Variants in SCRN3 observed in about 807,000 individuals in gnomAD.
SCRN3 encodes secernin 3.
A neutral mutation model predicts 43.1 loss-of-function variants in SCRN3; 39 were observed. That is an observed-to-expected ratio of 0.91 (90% confidence interval 0.70 to 1.18). The LOEUF is 1.18. Ranked by LOEUF, SCRN3 falls within the 50% of genes most tolerant of loss-of-function variation. The probability of loss-of-function intolerance (pLI) is 0.00; values close to 1 mark genes in which losing one functional copy is unlikely to be tolerated. For synonymous variants in SCRN3, 147 were observed against 163.1 expected (o/e 0.90, Z 0.75); for missense variants, 484 against 498.0 (o/e 0.97, Z 0.27).
At chr2:174,396,803 A>C (rs1461372988) in intron 1 of SCRN3, among the ~76,000 whole-genome samples, 4 of 143,770 alleles carry the variant, frequency 2.8e-5, no homozygotes, top group Admixed American at 2.1e-4. Flanking sequence ...CATCAAAAAA[A>C]AAAAACAAAA....
rs547703398 is a variant in SCRN3 at position 174,411,606 on chromosome 2, G to A, written c.754+7291G>A. Among the ~76,000 whole-genome samples, 9 of 152,126 alleles carry A rather than the reference G, an allele frequency of 5.9e-5. No individual in the cohort carries two copies. In the East Asian group the frequency reaches 1.7e-3, roughly 29 times the overall value. On this transcript the variant is annotated intron_variant, in intron 5 of 7. Coordinates refer to ENST00000272732, the MANE Select transcript of SCRN3 (RefSeq NM_024583.5). The stretch of plus-strand genomic sequence containing the variant: ...TTTCAAGTTTTTAAAAAATCGTTAA[G>A]CACGTTTAGCATCTTTATAATAATA...
chr2:174,396,115 G>A, intron 1 of SCRN3: 1 of 1,001,812 alleles, frequency 1.0e-6, no homozygotes, highest in Non-Finnish European at 1.3e-6. Flanking sequence ...GTATGCTTGC[G>A]AGAATCCAAC....
chr2:174,404,233 A>T lies in SCRN3; in HGVS notation c.672A>T (p.Ala224=). Residue 224 remains alanine, a synonymous_variant, in exon 5 of 8, where the codon GCA becomes GCT. Transcript: ENST00000272732. ...DGKKEFDFAA[A]YSYLDTAKMM... is the part of the protein sequence containing the mutation. Reference sequence around the variant, plus strand: ...AAAAGGAGTTTGATTTTGCTGCAGCATATTCCTATCTTGACACAGCCAAGA... The same window carrying T: ...AAAAGGAGTTTGATTTTGCTGCAGCTTATTCCTATCTTGACACAGCCAAGA... 6.2e-7 allele frequency: 1 copy of T among 1,613,948 alleles called. No homozygotes were observed. Among genetic ancestry groups the T allele is most frequent in the South Asian group, 1.1e-5 (1 of 91,076 alleles).
chr2:174,405,350 G>C (rs1341327060), intron 5 of SCRN3, among the ~76,000 whole-genome samples: 232 of 109,278 alleles, frequency 2.1e-3, no homozygotes, highest in Non-Finnish European at 3.1e-3. Context: ...GTAGATTCTG[G>C]ATATTAGCCC....
chr2:174,424,377 A>G, intron 6 of SCRN3, 98 bp from the exon 7 acceptor site: 1 of 884,246 alleles, frequency 1.1e-6, no homozygotes. Flanking sequence ...AGCATCATTA[A>G]CAGAAACTTC....
chr2:174,423,268 A>G (rs1686358589), intron 6 of SCRN3, among the ~76,000 whole-genome samples: 2 of 152,134 alleles, frequency 1.3e-5, no homozygotes, highest in Non-Finnish European at 2.9e-5. Context: ...CGTTATCCCT[A>G]CTCCTTCTTC....
In SCRN3 at chr2:174,424,643, T is replaced by C. The variant is rs765013004; in HGVS notation, c.1086T>C (p.Asn362=). The part of the protein sequence containing the change: ...KHQQALEVVN[N]NEEKAKIMLD... ...AACAGGCATTGGAAGTAGTAAATAATAATGAGGTATGCTAGATTATATTCT... is the reference window on the plus strand; with the variant it reads ...AACAGGCATTGGAAGTAGTAAATAACAATGAGGTATGCTAGATTATATTCT... The change falls in exon 7 of 8, where the codon AAT becomes AAC. Residue 362 remains asparagine (N), a synonymous_variant. Coordinates refer to ENST00000272732, the MANE Select transcript of SCRN3 (RefSeq NM_024583.5). The C allele has an allele frequency of 1.9e-6, 3 of 1,607,634 alleles. No individual in the cohort carries two copies. Among genetic ancestry groups the C allele is most frequent in the East Asian group, 4.5e-5 (2 of 44,724 alleles).
chr2:174,396,717 G>T (rs1685326135), intron 1 of SCRN3, among the ~76,000 whole-genome samples: 1 of 151,832 alleles, frequency 6.6e-6, no homozygotes, highest in Admixed American at 6.6e-5. Flanking sequence ...AGAATCACTT[G>T]AACGCGGGAG....
chr2:174,406,028 A>G (rs1362803380), intron 5 of SCRN3, among the ~76,000 whole-genome samples: 2 of 138,218 alleles, frequency 1.4e-5, no homozygotes, highest in East Asian at 4.3e-4. Flanking sequence ...GATGGCATTG[A>G]ATCTGTAAAT....
chr2:174,415,926 C>T (rs140015543), intron 5 of SCRN3, among the ~76,000 whole-genome samples: 28 of 152,188 alleles, frequency 1.8e-4, no homozygotes, highest in African/African-American at 6.7e-4. Flanking sequence ...ATTACAGGTG[C>T]GAGCCATTGT....
At chr2:174,420,484 A>G (rs548787340) in intron 5 of SCRN3, among the ~76,000 whole-genome samples, 74 of 152,356 alleles carry the variant, frequency 4.9e-4, no homozygotes, top group Admixed American at 2.0e-3. Context: ...ATGACTGAAA[A>G]CCAAGAGAAA....
At chr2:174,416,807 C>G (rs775076403) in intron 5 of SCRN3, among the ~76,000 whole-genome samples, 1 of 152,172 alleles carries the variant, frequency 6.6e-6, no homozygotes, top group Non-Finnish European at 1.5e-5. Flanking sequence ...GTACATTCCC[C>G]TGTATATATG....
Position 174,428,958 on chromosome 2 carries a change from C to T in SCRN3, c.*1063C>T, listed in dbSNP as rs1040302492. 5 of 152,246 alleles carry T rather than the reference C, an allele frequency of 3.3e-5. No individual in the cohort carries two copies. In the East Asian group the frequency reaches 7.7e-4, roughly 24 times the overall value. The allele number at this position is 152,246 out of a possible 1,614,324, so 9.4% of individuals were successfully genotyped here. On this transcript the variant is annotated 3_prime_UTR_variant, in exon 8 of 8. Coordinates refer to ENST00000272732, the MANE Select transcript of SCRN3 (RefSeq NM_024583.5). ...TGGTTACATTATCATATTTACTAGT[C>T]ACTATCAGCACAATTAGGTTAATAA...
intron 5 of SCRN3, among the ~76,000 whole-genome samples, chr2:174,420,304 A>G (rs1373457923): frequency 6.6e-6 from 1 of 152,194 alleles, no homozygotes; most frequent in Non-Finnish European, 1.5e-5. Context: ...TAGGAAGAGT[A>G]AGAACAAACA....
At chr2:174,410,987 G>T (rs1216321967) in intron 5 of SCRN3, among the ~76,000 whole-genome samples, 2 of 152,096 alleles carry the variant, frequency 1.3e-5, no homozygotes, top group Non-Finnish European at 2.9e-5. Flanking sequence ...TGAGAATGTA[G>T]GTGTACAGGT....
At chr2:174,403,910 A>G (rs1470772804) in intron 4 of SCRN3, among the ~76,000 whole-genome samples, 193 bp from the exon 5 acceptor site, 1 of 152,174 alleles carries the variant, frequency 6.6e-6, no homozygotes, top group Non-Finnish European at 1.5e-5. Context: ...GTGAATCTAT[A>G]ATTATCTTAA....
At chr2:174,427,122 G>A (rs1050582677) in intron 7 of SCRN3, among the ~76,000 whole-genome samples, 10 of 152,102 alleles carry the variant, frequency 6.6e-5, no homozygotes, top group East Asian at 1.9e-4. Context: ...GAGCCACTGC[G>A]CCTGGCCAAG....
chr2:174,404,466 T>A, intron 5 of SCRN3, 151 bp downstream of exon 5: 1 of 512,294 alleles, frequency 2.0e-6, no homozygotes, highest in Non-Finnish European at 3.2e-6. Context: ...CTATTTTTTT[T>A]TTATTATACT....
chr2:174,419,751 C>A (rs1686236912), intron 5 of SCRN3, among the ~76,000 whole-genome samples: 1 of 152,026 alleles, frequency 6.6e-6, no homozygotes, highest in Admixed American at 6.5e-5. Flanking sequence ...CTGGATTCAC[C>A]ACATTCATTA....
Sources: gnomAD v4.1 joint callset for allele counts (sites outside exome capture counted in the v4.1 genomes callset) on GRCh38, gnomAD v4.1.1 for gene constraint, MANE v1.5 for transcripts, NCBI Gene and HGNC (gene_info 2026-07-23, HGNC 2026-07-21) for gene names.